FUT9: variants seen among roughly 807,000 people sequenced by gnomAD.
FUT9 encodes fucosyltransferase 9.
FUT9 carries 15 observed loss-of-function variants against 29.7 expected under a neutral mutation model. The observed-to-expected ratio is 0.51, with a 90% CI of 0.34 to 0.78. The LOEUF (loss-of-function observed/expected upper bound fraction) is 0.78, where lower values mean the gene tolerates loss of function less well. Ranked by LOEUF, FUT9 falls within the 30% of genes least tolerant of loss-of-function variation. The pLI is 0.01. For missense variants in FUT9, 319 were observed against 425.4 expected (o/e 0.75, Z 2.20); for synonymous variants, 169 against 153.7 (o/e 1.10, Z -0.74).
intron 2 of FUT9, among the ~76,000 whole-genome samples, chr6:96,115,875 T>C (rs1771901873): frequency 6.6e-6 from 1 of 152,162 alleles, no homozygotes; most frequent in African/African-American, 2.4e-5. Context: ...TTTGGGGGCT[T>C]TTTGTTTGCT....
chr6:96,171,900 G>T (rs1773119530), intron 2 of FUT9, among the ~76,000 whole-genome samples: 1 of 152,148 alleles, frequency 6.6e-6, no homozygotes, highest in Non-Finnish European at 1.5e-5. Flanking sequence ...TGTCTAATAT[G>T]TAAGACCTTT....
At position 96,204,056 on chromosome 6, in the gene FUT9, T is replaced by C; in HGVS notation, c.901T>C (p.Tyr301His). The C allele has an allele frequency of 6.4e-7, 1 of 1,568,510 alleles. No homozygotes were observed. Among genetic ancestry groups the C allele is most frequent in the Non-Finnish European group, 8.6e-7 (1 of 1,158,908 alleles). ...DYNSPSELAK[Y>H]LKEVDKNNKL... is the part of the protein sequence containing the mutation. The stretch of plus-strand genomic sequence containing the variant: ...TAACTCTCCCAGTGAGCTAGCAAAG[T>C]ATCTGAAGGAAGTCGACAAAAACAA... The change falls in exon 3 of 3, where the codon TAT becomes CAT. Residue 301 changes from tyrosine (Y) to histidine (H), a missense_variant. Tyr to His is a moderately conservative substitution (Grantham distance 83, BLOSUM62 2). Coordinates refer to ENST00000302103, the MANE Select transcript of FUT9 (RefSeq NM_006581.4).
intron 2 of FUT9, among the ~76,000 whole-genome samples, chr6:96,164,712 C>A (rs1562148551): frequency 6.6e-6 from 1 of 152,198 alleles, no homozygotes; most frequent in Non-Finnish European, 1.5e-5. Context: ...TCTGACCACT[C>A]ATTCCCATCA....
At position 96,215,322 on chromosome 6, in the gene FUT9, A is replaced by C. The variant is rs1219346145; in HGVS notation, c.*11087A>C. 1 of 167,042 alleles carries C rather than the reference A, an allele frequency of 6.0e-6. No homozygotes were observed. The highest frequency in any genetic ancestry group is 6.5e-5 in the Admixed American group (1 of 15,274). The allele number at this position is 167,042 out of a possible 1,614,324, so 10.3% of individuals were successfully genotyped here. A position where few individuals can be genotyped will look rare whatever the true frequency, so the allele number is the denominator to read the frequency against. On this transcript the variant is annotated 3_prime_UTR_variant, in exon 3 of 3. Coordinates refer to ENST00000302103, the MANE Select transcript of FUT9 (RefSeq NM_006581.4). ...TTCTCATGGATGTCTTTCTAGGCTTATAAATATATGGTGTGATTGCTATAA... is the reference window on the plus strand; with the variant it reads ...TTCTCATGGATGTCTTTCTAGGCTTCTAAATATATGGTGTGATTGCTATAA...
chr6:96,106,244 T>TTCCTTCCTTCCTTCCTTCCTTCCTTCCG (rs1771683557), intron 1 of FUT9, among the ~76,000 whole-genome samples: 1 of 151,920 alleles, frequency 6.6e-6, no homozygotes, highest in Non-Finnish European at 1.5e-5. Flanking sequence ...CCTTCCTTCC[T>TTCCTTCCTTCCTTCCTTCCTTCCTTCCG]TCATCTTCTT....
At chr6:96,159,503 A>G (rs1453507528) in intron 2 of FUT9, among the ~76,000 whole-genome samples, 1 of 152,180 alleles carries the variant, frequency 6.6e-6, no homozygotes, top group African/African-American at 2.4e-5. Flanking sequence ...AGATGTCTGT[A>G]AAATGATTTA....
chr6:96,099,704 T>C (rs1771555397), intron 1 of FUT9, among the ~76,000 whole-genome samples: 1 of 152,110 alleles, frequency 6.6e-6, no homozygotes, highest in Non-Finnish European at 1.5e-5. Context: ...TGTCATCATT[T>C]TATGCCTGCC....
rs1773702994 is a variant in FUT9, at chr6:96,200,163, A to ACTTTT, written c.-8-2985_-8-2984insCTTTT. Among the ~76,000 whole-genome samples the ACTTTT allele has an allele frequency of 2.0e-5, 3 of 152,238 alleles. No homozygotes were observed. The South Asian group carries it at 6.2e-4, about 32-fold the overall frequency. On this transcript the variant is annotated intron_variant, in intron 2 of 2. Transcript: ENST00000302103. The stretch of plus-strand genomic sequence containing the variant: ...GAGTTAATAGGTGTGTGTGTGTATA[A>ACTTTT]GTTAATATAAGTGCTCAGATCAGTG...
chr6:96,122,826 C>A (rs377261916), intron 2 of FUT9, among the ~76,000 whole-genome samples: 3 of 152,070 alleles, frequency 2.0e-5, no homozygotes, highest in African/African-American at 4.8e-5. Flanking sequence ...GCCGGTGGAT[C>A]ACGAGGTCAG....
chr6:96,033,412 C>T (rs1770298284), intron 1 of FUT9, among the ~76,000 whole-genome samples: 1 of 151,378 alleles, frequency 6.6e-6, no homozygotes, highest in African/African-American at 2.4e-5. Context: ...TGAGACAGAG[C>T]CACCATTAAA....
intron 2 of FUT9, among the ~76,000 whole-genome samples, chr6:96,158,957 AAACATTATAGT>A (rs1772843498): frequency 6.6e-6 from 1 of 152,186 alleles, no homozygotes; most frequent in South Asian, 2.1e-4. Flanking sequence ...ATGACATTGT[AAACATTATAGT>A]AACCACTAAT....
chr6:96,083,805 G>A (rs1300787061), intron 1 of FUT9, among the ~76,000 whole-genome samples: 6 of 151,998 alleles, frequency 3.9e-5, no homozygotes, highest in Non-Finnish European at 5.9e-5. Context: ...TAAGTACTGC[G>A]TTCGATATAA....
At position 96,040,563 on chromosome 6, in the gene FUT9, G is replaced by A. The variant is rs114227349; in HGVS notation, c.-98+24351G>A. Among the ~76,000 whole-genome samples, 258 of 152,222 alleles carry A rather than the reference G, an allele frequency of 1.7e-3. 1 individual carries two copies. Among genetic ancestry groups the A allele is most frequent in the African/African-American group, 5.6e-3 (231 of 41,538 alleles). On this transcript the variant is annotated intron_variant, in intron 1 of 2. Transcript: ENST00000302103. ...AATTGAGCCGGCATTTTATTTTGTC[G>A]GTGATCCTACTCTGTAGTATCCTGG...
At chr6:96,045,854 C>T (rs1770553983) in intron 1 of FUT9, among the ~76,000 whole-genome samples, 1 of 152,178 alleles carries the variant, frequency 6.6e-6, no homozygotes, top group Non-Finnish European at 1.5e-5. Flanking sequence ...TGCAGTTTGC[C>T]TAAGGCAGCT....
intron 2 of FUT9, among the ~76,000 whole-genome samples, chr6:96,195,469 C>T (rs928023973): frequency 8.6e-5 from 13 of 152,006 alleles, no homozygotes; most frequent in African/African-American, 3.1e-4. Flanking sequence ...CCAGTGTCTT[C>T]GTGCCAAAAA....
chr6:96,119,604 G>A (rs999026414), intron 2 of FUT9, among the ~76,000 whole-genome samples: 1 of 152,066 alleles, frequency 6.6e-6, no homozygotes, highest in Non-Finnish European at 1.5e-5. Context: ...CTGCAATTTT[G>A]TTAGATTTAT....
intron 2 of FUT9, among the ~76,000 whole-genome samples, chr6:96,164,253 CTTTTTTTTTTTTT>C (rs57049980): frequency 9.5e-6 from 1 of 105,786 alleles, no homozygotes; most frequent in Admixed American, 1.2e-4. Context: ...GATCCAGGTT[CTTTTTTTTTTTTT>C]TTTTTTTTGA....
intron 1 of FUT9, among the ~76,000 whole-genome samples, chr6:96,078,847 C>T (rs1372917713): frequency 2.0e-5 from 3 of 152,080 alleles, no homozygotes; most frequent in Non-Finnish European, 2.9e-5. Context: ...TTTCATTTAC[C>T]GTGATTAATC....
chr6:96,045,050 G>T (rs543679775), intron 1 of FUT9, among the ~76,000 whole-genome samples: 31 of 152,294 alleles, frequency 2.0e-4, no homozygotes, highest in African/African-American at 7.0e-4. Context: ...GGTGGAGATT[G>T]ACCAGGCTCA....
Sources: gnomAD v4.1 joint callset for allele counts (sites outside exome capture counted in the v4.1 genomes callset) on GRCh38, gnomAD v4.1.1 for gene constraint, MANE v1.5 for transcripts, NCBI Gene and HGNC (gene_info 2026-07-23, HGNC 2026-07-21) for gene names.